The following LRMDA variants were observed in gnomAD, a reference collection of about 807,000 sequenced individuals.
The protein encoded by LRMDA is leucine-rich melanocyte differentiation-associated protein.
Under a neutral mutation model 29.8 loss-of-function variants are expected in LRMDA, and 18 were observed. The ratio of observed to expected loss-of-function variants is 0.60; its 90% CI spans 0.42 to 0.90. LRMDA has a LOEUF of 0.90. Among genes scored for constraint, LRMDA ranks in the 40% least tolerant of loss-of-function variants. The pLI, the probability that LRMDA is intolerant of heterozygous loss-of-function variation, is 0.00. For missense variants in LRMDA, 273 were observed against 273.9 expected (o/e 1.00, Z 0.02); for synonymous variants, 125 against 109.4 (o/e 1.14, Z -0.89).
intron 2 of LRMDA, among the ~76,000 whole-genome samples, chr10:75,844,235 A>G (rs1262847030): frequency 1.3e-5 from 2 of 152,228 alleles, no homozygotes; most frequent in African/African-American, 4.8e-5. Context: ...ATGTCAGAGC[A>G]ATGGCCTATG....
chr10:76,527,779 A>G (rs774586980), intron 6 of LRMDA, among the ~76,000 whole-genome samples: 21 of 152,196 alleles, frequency 1.4e-4, no homozygotes, highest in Non-Finnish European at 2.6e-4. Context: ...GGGATATAAT[A>G]TAATCTGTAA....
At chr10:76,383,526 G>A (rs1028703263) in intron 6 of LRMDA, among the ~76,000 whole-genome samples, 1 of 147,584 alleles carries the variant, frequency 6.8e-6, no homozygotes, top group Non-Finnish European at 1.5e-5. Flanking sequence ...CGCTTCCCGG[G>A]TTCACGCCAT....
chr10:76,066,598 G>T (rs1378546715), intron 5 of LRMDA, among the ~76,000 whole-genome samples: 1 of 152,156 alleles, frequency 6.6e-6, no homozygotes, highest in African/African-American at 2.4e-5. Flanking sequence ...TCATTAACAA[G>T]GCATACATTT....
intron 2 of LRMDA, among the ~76,000 whole-genome samples, chr10:75,670,962 C>T (rs1841884254): frequency 6.6e-6 from 1 of 152,128 alleles, no homozygotes; most frequent in East Asian, 1.9e-4. Flanking sequence ...TAGAGACTAC[C>T]TGGAGCTAGA....
At chr10:75,807,570 C>T (rs777990278) in intron 2 of LRMDA, among the ~76,000 whole-genome samples, 2 of 152,194 alleles carry the variant, frequency 1.3e-5, no homozygotes, top group South Asian at 2.1e-4. Context: ...TTAAAGGCAG[C>T]AGGTTGGAGA....
At chr10:75,759,777 A>T (rs1312568440) in intron 2 of LRMDA, among the ~76,000 whole-genome samples, 2 of 152,084 alleles carry the variant, frequency 1.3e-5, no homozygotes, top group Admixed American at 6.6e-5. Flanking sequence ...AACATAATTT[A>T]TTTTTTTCTC....
intron 6 of LRMDA, chr10:76,403,465 T>C (rs371289093): frequency 2.0e-5 from 3 of 152,052 alleles, no homozygotes; most frequent in African/African-American, 7.2e-5. Context: ...TATATGTAGA[T>C]GCTAACCCAG....
intron 6 of LRMDA, among the ~76,000 whole-genome samples, chr10:76,464,370 G>A (rs1842543725): frequency 2.0e-5 from 3 of 152,148 alleles, no homozygotes; most frequent in Non-Finnish European, 4.4e-5. Flanking sequence ...GAGTGGACGA[G>A]TGGCGAGAGA....
chr10:75,868,145 A>G (rs1398054965), intron 2 of LRMDA, among the ~76,000 whole-genome samples: 3 of 151,934 alleles, frequency 2.0e-5, no homozygotes, highest in Non-Finnish European at 4.4e-5. Context: ...TCCTTTTGTC[A>G]TTGTGAGGTG....
chr10:75,534,725 G>T (rs1839925321), intron 2 of LRMDA, among the ~76,000 whole-genome samples: 1 of 152,136 alleles, frequency 6.6e-6, no homozygotes, highest in South Asian at 2.1e-4. Context: ...ATAAAACCTT[G>T]ACTCAAACCA....
intron 2 of LRMDA, among the ~76,000 whole-genome samples, chr10:75,606,149 C>T (rs1188485935): frequency 1.3e-5 from 2 of 152,102 alleles, no homozygotes; most frequent in African/African-American, 2.4e-5. Flanking sequence ...TGAGCCACTG[C>T]GCCTGGCCAA....
chr10:75,776,228 C>A (rs1843310420), intron 2 of LRMDA, among the ~76,000 whole-genome samples: 1 of 152,160 alleles, frequency 6.6e-6, no homozygotes, highest in Non-Finnish European at 1.5e-5. Flanking sequence ...ACAACTGCTG[C>A]TATTGCTGCT....
intron 2 of LRMDA, among the ~76,000 whole-genome samples, chr10:75,847,279 A>G (rs1247035191): frequency 6.6e-6 from 1 of 152,184 alleles, no homozygotes; most frequent in African/African-American, 2.4e-5. Flanking sequence ...TCAACAAATG[A>G]TGTTGGCAAA....
At chr10:76,244,482 G>A (rs760552924) in intron 5 of LRMDA, among the ~76,000 whole-genome samples, 15 of 152,224 alleles carry the variant, frequency 9.9e-5, no homozygotes, top group Admixed American at 2.6e-4. Flanking sequence ...GTGTTTTTGC[G>A]GCAGTTGGGT....
At chr10:75,767,323 AATG>A in intron 2 of LRMDA, among the ~76,000 whole-genome samples, 1 of 152,322 alleles carries the variant, frequency 6.6e-6, no homozygotes, top group South Asian at 2.1e-4. Flanking sequence ...CAGACTTTTT[AATG>A]ATCACCATTC....
intron 6 of LRMDA, among the ~76,000 whole-genome samples, chr10:76,525,522 A>T (rs996263124): frequency 6.6e-6 from 1 of 152,152 alleles, no homozygotes; most frequent in Non-Finnish European, 1.5e-5. Context: ...AGGGGGTAGG[A>T]GGCAAGAACC....
At chr10:75,721,148 A>G (rs190299272) in intron 2 of LRMDA, among the ~76,000 whole-genome samples, 2 of 152,282 alleles carry the variant, frequency 1.3e-5, no homozygotes, top group Non-Finnish European at 2.9e-5. Flanking sequence ...TGTAATTTAC[A>G]GTATGTGACA....
At chr10:76,507,340 G>A (rs1220974822) in intron 6 of LRMDA, among the ~76,000 whole-genome samples, 2 of 148,566 alleles carry the variant, frequency 1.3e-5, no homozygotes, top group Admixed American at 1.3e-4. Flanking sequence ...ATGTATTTTG[G>A]TTGTTAATCC....
chr10:75,780,798 GC>G, intron 2 of LRMDA, among the ~76,000 whole-genome samples: 1 of 152,236 alleles, frequency 6.6e-6, no homozygotes. Context: ...GGATAGTTTT[GC>G]TCATCTGTGT....
Sources: gnomAD v4.1 joint callset for allele counts (sites outside exome capture counted in the v4.1 genomes callset) on GRCh38, gnomAD v4.1.1 for gene constraint, MANE v1.5 for transcripts, NCBI Gene and HGNC (gene_info 2026-07-23, HGNC 2026-07-21) for gene names.